ADAM15: variants seen among roughly 807,000 people sequenced by gnomAD.
ADAM15 encodes the protein ADAM metallopeptidase domain 15.
In ADAM15, 77 loss-of-function variants were observed where a neutral mutation model predicts 113.8. That is an observed-to-expected ratio of 0.68 (90% CI 0.56 to 0.82). The LOEUF (loss-of-function observed/expected upper bound fraction) is 0.82. Ranked by LOEUF, ADAM15 falls within the 40% of genes least tolerant of loss-of-function variation. The pLI is 0.00. For synonymous variants in ADAM15, 388 were observed against 454.1 expected (o/e 0.85, Z 1.85); for missense variants, 963 against 1,120.1 (o/e 0.86, Z 2.00).
chr1:155,052,814 C>G (rs1215406413), intron 2 of ADAM15, 37 bp downstream of exon 2: 1 of 1,570,026 alleles, frequency 6.4e-7, no homozygotes, highest in Admixed American at 1.9e-5. Context: ...TAAACGAATC[C>G]ACACACGCCC....
chr1:155,062,487 C>T lies in ADAM15; in HGVS notation c.2577C>T (p.Ser859=), dbSNP rs1662795339. 2 of 1,613,452 alleles carry T rather than the reference C, an allele frequency of 1.2e-6. No individual in the cohort carries two copies. Among genetic ancestry groups the T allele is most frequent in the African/African-American group, 1.3e-5 (1 of 75,054 alleles). ...SRPAPPPPTV[S]SLYL ...CAGCGCCACCGCCTCCGACAGTGTCCTCGCTCTACCTCTGACCTCTCCGGA... is the reference window on the plus strand; with the variant it reads ...CAGCGCCACCGCCTCCGACAGTGTCTTCGCTCTACCTCTGACCTCTCCGGA... The change falls in exon 23 of 23, where the codon TCC becomes TCT. Residue 859 remains serine, a synonymous_variant. Transcript: ENST00000356955. The surrounding 1 kb of genome is among the most constrained non-coding windows in gnomAD (Gnocchi z 7.0).
In ADAM15 at chr1:155,054,201, T is replaced by G; in HGVS notation, c.394T>G (p.Ser132Ala). The G allele has an allele frequency of 1.9e-6, 3 of 1,607,988 alleles. No individual in the cohort carries two copies. Among genetic ancestry groups the G allele is most frequent in the East Asian group, 2.2e-5 (1 of 44,860 alleles). Residue 132 changes from serine to alanine, a missense_variant, in exon 5 of 23, where the codon TCC (serine) becomes GCC (alanine). Transcript: ENST00000356955. ...RVRGYAGSWV[S>A]ICTCSGLRGL... ...GCGGGGATATGCAGGCTCCTGGGTG[T>G]CCATCTGCACCTGCTCTGGGCTCAG...
At position 155,054,151 on chromosome 1, in the gene ADAM15, A is replaced by G; in HGVS notation, c.344A>G (p.Glu115Gly). The G allele has an allele frequency of 6.2e-7, 1 of 1,613,960 alleles. No homozygotes were observed. The highest frequency in any genetic ancestry group is 1.1e-5 in the South Asian group (1 of 91,058). ...ACTAATGTTGTTCCCATGCTGCAGGAGAACTGCTGCTACCAGGGAAGAGTG... is the reference window on the plus strand; with the variant it reads ...ACTAATGTTGTTCCCATGCTGCAGGGGAACTGCTGCTACCAGGGAAGAGTG... ...TRVVSEGHTL[E>G]NCCYQGRVRG... Residue 115 changes from glutamate (E) to glycine (G), a missense_variant and splice_region_variant, in exon 5 of 23, where the codon GAG becomes GGG. Coordinates refer to ENST00000356955, the MANE Select transcript of ADAM15 (RefSeq NM_207197.3).
chr1:155,061,798 C>A, intron 20 of ADAM15, 106 bp from the exon 21 acceptor site: 2 of 1,245,082 alleles, frequency 1.6e-6, no homozygotes, highest in South Asian at 1.6e-5. Context: ...TCTCTCCTGC[C>A]CCCTGGCTGA....
chr1:155,060,016 G>A lies in ADAM15; in HGVS notation c.2068+42G>A, dbSNP rs199540951. 14 of 1,609,514 alleles carry A rather than the reference G, an allele frequency of 8.7e-6. No individual in the cohort carries two copies. In the Middle Eastern group the frequency reaches 8.3e-4, roughly 96 times the overall value. On this transcript the variant is annotated intron_variant, in intron 17 of 22. Transcript: ENST00000356955. The stretch of plus-strand genomic sequence containing the variant: ...GGACAGGGGCAGCTGGGAGGGCAAA[G>A]CGTCTCATGCTTTATCTTGCCCCCT...
In ADAM15 at chr1:155,057,491, C is replaced by G. The variant is rs184776514; in HGVS notation, c.1323+129C>G. 6.7e-7 allele frequency: 1 copy of G among 1,487,544 alleles called. No homozygotes were observed. 92.1% of individuals were successfully genotyped at this position (1,487,544 alleles called of 1,614,324 possible). ...TCCACCCCTCTCCTACTTGCCCTGT[C>G]TGTGGGGACAGCACATGGGTTGTTG... On this transcript the variant is annotated intron_variant, in intron 12 of 22. Coordinates refer to ENST00000356955, the MANE Select transcript of ADAM15 (RefSeq NM_207197.3). This position sits in a 1 kb window ranked among gnomAD's most constrained non-coding sequence, Gnocchi z 5.0.
In ADAM15 at chr1:155,062,136, G is replaced by A; in HGVS notation, c.2425-109G>A. On this transcript the variant is annotated intron_variant, in intron 21 of 22. Coordinates refer to ENST00000356955, the MANE Select transcript of ADAM15 (RefSeq NM_207197.3). This position sits in a 1 kb window ranked among gnomAD's most constrained non-coding sequence, Gnocchi z 7.0. ...GTGACAGGTTTGTTTGCAGACAAGGGTGACCGCTGGTGCTGCCCCCAAGCT... is the reference window on the plus strand; with the variant it reads ...GTGACAGGTTTGTTTGCAGACAAGGATGACCGCTGGTGCTGCCCCCAAGCT... 1.4e-6 allele frequency: 2 copies of A among 1,447,654 alleles called. No individual in the cohort carries two copies. The highest frequency in any genetic ancestry group is 1.8e-6 in the Non-Finnish European group (2 of 1,099,994). 89.7% of individuals were successfully genotyped at this position (1,447,654 alleles called of 1,614,324 possible). A position where few individuals can be genotyped will look rare whatever the true frequency, so the allele number is the denominator to read the frequency against.
intron 16 of ADAM15, among the ~76,000 whole-genome samples, chr1:155,059,623 C>T (rs1662281375): frequency 6.6e-6 from 1 of 152,090 alleles, no homozygotes; most frequent in Non-Finnish European, 1.5e-5. Flanking sequence ...AGTGAGACTC[C>T]ATCTTACTTG....
Position 155,058,525 on chromosome 1 carries a change from A to C in ADAM15, c.1917+84A>C. On this transcript the variant is annotated intron_variant, in intron 15 of 22. Transcript: ENST00000356955. This position sits in a 1 kb window ranked among gnomAD's most constrained non-coding sequence, Gnocchi z 4.3. ...CAGAGCCCAGACTTCACCATTCACC[A>C]ATGTCAAAGGCAGGGACTCCAAGGG... is the stretch of plus-strand genomic sequence containing the variant. 6.4e-7 allele frequency: 1 copy of C among 1,567,422 alleles called. No homozygotes were observed.
chr1:155,061,809 C>T (rs1662662947), intron 20 of ADAM15, 95 bp from the exon 21 acceptor site: 5 of 1,332,184 alleles, frequency 3.8e-6, no homozygotes, highest in Admixed American at 2.4e-5. Flanking sequence ...CCCTGGCTGA[C>T]TTTGCATGTT....
chr1:155,059,222 C>T (rs754094479), intron 16 of ADAM15, among the ~76,000 whole-genome samples: 5 of 152,164 alleles, frequency 3.3e-5, no homozygotes, highest in African/African-American at 1.2e-4. Context: ...CACCCGCCAC[C>T]ATGCCCAGCT....
At position 155,054,496 on chromosome 1, in the gene ADAM15, A is replaced by G. The variant is rs1452743576; in HGVS notation, c.602A>G (p.His201Arg). ...CCAGAGCACCCCCTGGGACAGCGCC[A>G]CATTCGCCGGGTGAGGATGAATGGC... ...KPPEHPLGQR[H>R]IRRRRDVVTE... The change falls in exon 6 of 23, where the codon CAC (histidine) becomes CGC (arginine). Residue 201 changes from histidine (H) to arginine (R), a missense_variant. Transcript: ENST00000356955. 2.5e-6 allele frequency: 4 copies of G among 1,571,092 alleles called. No homozygotes were observed. Among genetic ancestry groups the G allele is most frequent in the Non-Finnish European group, 3.5e-6 (4 of 1,156,104 alleles).
In ADAM15 at chr1:155,057,195, C is replaced by T. The variant is rs998751992; in HGVS notation, c.1156C>T (p.Pro386Ser). ...CCTTGCCACCCTCCCCAGCTTCCTA[C>T]CAGGCCTGAACTTCAGCAACTGCAG... ...CIMEASTDFL[P>S]GLNFSNCSRR... Residue 386 changes from proline to serine, a missense_variant, in exon 12 of 23, where the codon CCA becomes TCA. By Grantham distance (74) the Pro-to-Ser change is moderately conservative. Coordinates refer to ENST00000356955, the MANE Select transcript of ADAM15 (RefSeq NM_207197.3). The surrounding 1 kb of genome is among the most constrained non-coding windows in gnomAD (Gnocchi z 5.0). 6.2e-7 allele frequency: 1 copy of T among 1,612,302 alleles called. No individual in the cohort carries two copies. Among genetic ancestry groups the T allele is most frequent in the South Asian group, 1.1e-5 (1 of 91,056 alleles).
chr1:155,062,402 C>T lies in ADAM15; in HGVS notation c.2549+33C>T, dbSNP rs200865722. ...GAGCCCTGGGCATGGGTGGGCGGGG[C>T]GAGTGACCTGGGGGAAAGGGGCCTC... is the stretch of plus-strand genomic sequence containing the variant. On this transcript the variant is annotated intron_variant, in intron 22 of 22. Transcript: ENST00000356955. The surrounding 1 kb of genome is among the most constrained non-coding windows in gnomAD (Gnocchi z 7.0). 524 of 1,609,836 alleles carry T rather than the reference C, an allele frequency of 3.3e-4. 3 individuals carry two copies. In the African/African-American group the frequency reaches 6.2e-3, roughly 19 times the overall value.
In ADAM15 at chr1:155,056,685, T is replaced by G. The variant is rs1661809517; in HGVS notation, c.999+215T>G. Reference sequence around the variant, plus strand: ...GTCATCCCCTGTGCAGTCTTCCCATTTCTTAGAGGAGGGTAGGAGGCAGCT... The same window carrying G: ...GTCATCCCCTGTGCAGTCTTCCCATGTCTTAGAGGAGGGTAGGAGGCAGCT... On this transcript the variant is annotated intron_variant, in intron 10 of 22. Transcript: ENST00000356955. This position sits in a 1 kb window ranked among gnomAD's most constrained non-coding sequence, Gnocchi z 4.0. Among the ~76,000 whole-genome samples the G allele has an allele frequency of 6.6e-6, 1 of 152,080 alleles. No individual in the cohort carries two copies. Among genetic ancestry groups the G allele is most frequent in the African/African-American group, 2.4e-5 (1 of 41,382 alleles).
chr1:155,060,092 C>G, intron 17 of ADAM15, 113 bp from the exon 18 acceptor site: 1 of 1,567,074 alleles, frequency 6.4e-7, no homozygotes, highest in Non-Finnish European at 8.7e-7. Context: ...GAGTCTGTGC[C>G]CCTTGAACCC....
chr1:155,053,424 T>G lies in ADAM15; in HGVS notation c.194T>G (p.Leu65Arg). 6.2e-7 allele frequency: 1 copy of G among 1,614,086 alleles called. No homozygotes were observed. The highest frequency in any genetic ancestry group is 1.6e-4 in the Middle Eastern group (1 of 6,062). ...GCCCTCTGGTGCCCACAGACCAGTC[T>G]GCCTGAGCCCCTGAGGATCAAGTTG... ...ISLKKVLQTS[L>R]PEPLRIKLEL... is the part of the protein sequence containing the mutation. The change falls in exon 3 of 23, where the codon CTG becomes CGG. Residue 65 changes from leucine to arginine, a missense_variant. Physicochemically the swap from Leu to Arg is moderately radical, Grantham distance 102. Coordinates refer to ENST00000356955, the MANE Select transcript of ADAM15 (RefSeq NM_207197.3).
At chr1:155,061,760 C>T in intron 20 of ADAM15, 144 bp from the exon 21 acceptor site, 1 of 985,482 alleles carries the variant, frequency 1.0e-6, no homozygotes, top group East Asian at 2.5e-5. Context: ...AGCTGGCATG[C>T]CTCCAAGCCC....
intron 16 of ADAM15, 125 bp from the exon 17 acceptor site, chr1:155,059,777 G>A (rs538644370): frequency 7.0e-5 from 69 of 984,484 alleles, no homozygotes; most frequent in Non-Finnish European, 8.1e-5. Flanking sequence ...CCCTCCCTCC[G>A]GGCTGTCTCT....
Sources: allele counts gnomAD v4.1 joint callset (sites outside exome capture counted in the v4.1 genomes callset), GRCh38; gene constraint gnomAD v4.1.1; non-coding constraint Gnocchi (gnomAD v3.1); transcripts MANE v1.5; gene names NCBI Gene and HGNC (gene_info 2026-07-23, HGNC 2026-07-21).